FAM53B: variants seen among roughly 807,000 people sequenced by gnomAD.
FAM53B encodes family with sequence similarity 53 member B.
A neutral mutation model predicts 32.7 loss-of-function variants in FAM53B; 12 were observed. That is an observed-to-expected ratio of 0.37 (90% CI 0.24 to 0.59). The LOEUF is 0.59. Among genes scored for constraint, FAM53B ranks in the 20% least tolerant of loss-of-function variants. The pLI, the probability that FAM53B is intolerant of heterozygous loss-of-function variation, is 0.72. For missense variants in FAM53B, 477 were observed against 577.7 expected, an observed-to-expected ratio of 0.83 and a Z score of 1.79; for synonymous variants, 234 against 228.7, an observed-to-expected ratio of 1.02 and a Z score of -0.21.
intron 4 of FAM53B, among the ~76,000 whole-genome samples, chr10:124,641,712 C>T (rs1171042725): frequency 6.6e-6 from 1 of 152,216 alleles, no homozygotes; most frequent in Non-Finnish European, 1.5e-5. Flanking sequence ...CTGCAAGAGG[C>T]CCCTTCCTTG....
intron 2 of FAM53B, among the ~76,000 whole-genome samples, chr10:124,698,104 G>C (rs1430517721): frequency 2.6e-5 from 4 of 152,184 alleles, no homozygotes; most frequent in Admixed American, 2.0e-4. Flanking sequence ...AGGGAAGTCA[G>C]GCCAGGGTCT....
At chr10:124,629,331 G>A (rs940457961) in intron 4 of FAM53B, among the ~76,000 whole-genome samples, 14 of 152,342 alleles carry the variant, frequency 9.2e-5, no homozygotes, top group African/African-American at 3.1e-4. Flanking sequence ...TTGGGCAAGC[G>A]AAGACCACTT....
chr10:124,674,489 T>C (rs550323411), intron 4 of FAM53B, among the ~76,000 whole-genome samples: 1 of 152,336 alleles, frequency 6.6e-6, no homozygotes, highest in Admixed American at 6.5e-5. Context: ...GTTCCATCAG[T>C]TGTCCAGGAT....
At chr10:124,714,823 G>A (rs961884090) in intron 1 of FAM53B, among the ~76,000 whole-genome samples, 11 of 151,786 alleles carry the variant, frequency 7.2e-5, no homozygotes, top group African/African-American at 2.4e-4. Flanking sequence ...GAAGTAACAG[G>A]TGACACAGAG....
intron 4 of FAM53B, among the ~76,000 whole-genome samples, chr10:124,645,680 G>A (rs553927681): frequency 7.9e-5 from 12 of 152,308 alleles, no homozygotes; most frequent in African/African-American, 2.9e-4. Context: ...CTGGCATAAC[G>A]CCTGCTTGCC....
At chr10:124,659,712 C>A (rs1949616942) in intron 4 of FAM53B, among the ~76,000 whole-genome samples, 1 of 152,270 alleles carries the variant, frequency 6.6e-6, no homozygotes, top group Non-Finnish European at 1.5e-5. Context: ...ACAAGCTCAT[C>A]TCCTCTAGCA....
At chr10:124,648,927 G>A (rs1471350129) in intron 4 of FAM53B, among the ~76,000 whole-genome samples, 3 of 152,232 alleles carry the variant, frequency 2.0e-5, no homozygotes, top group South Asian at 2.1e-4. Context: ...CACAACAAGC[G>A]AGCCACTTGC....
chr10:124,677,416 T>C (rs1428608565), intron 4 of FAM53B, among the ~76,000 whole-genome samples: 1 of 152,234 alleles, frequency 6.6e-6, no homozygotes, highest in Non-Finnish European at 1.5e-5. Context: ...GGAGGAAAGC[T>C]GTGCAGGAGG....
In FAM53B at chr10:124,641,004, G is replaced by A. The variant is rs76685308; in HGVS notation, c.907-17400C>T. On this transcript the variant is annotated intron_variant, in intron 4 of 4. Coordinates refer to ENST00000337318, the MANE Select transcript of FAM53B (RefSeq NM_014661.4). ...TTTACTTTCCTCTGGAGCATACCCC[G>A]CCTAGGTGACAAATGATGTGTGTGG... 9.0e-3 allele frequency among the ~76,000 whole-genome samples: 1,376 copies of A among 152,276 alleles called. 25 individuals are homozygous for A. The highest frequency in any genetic ancestry group is 0.03 in the African/African-American group (1,248 of 41,538).
Position 124,621,885 on chromosome 10 carries a change from A to ATTGT in FAM53B, c.*1353_*1356dup, listed in dbSNP as rs1156947774. The ATTGT allele has an allele frequency of 4.6e-5, 7 of 152,568 alleles. No homozygotes were observed. Among genetic ancestry groups the ATTGT allele is most frequent in the Admixed American group, 2.6e-4 (4 of 15,308 alleles). 9.5% of individuals were successfully genotyped at this position (152,568 alleles called of 1,614,324 possible). The stretch of plus-strand genomic sequence containing the variant: ...TTGCTCCTAAGCCAGCCCAATTGCT[A>ATTGT]TTGTTTGCAGAAGACGCCACATTCG... On this transcript the variant is annotated 3_prime_UTR_variant, in exon 5 of 5. Transcript: ENST00000337318.
chr10:124,636,224 C>T (rs781074628), intron 4 of FAM53B, among the ~76,000 whole-genome samples: 1 of 152,176 alleles, frequency 6.6e-6, no homozygotes, highest in Admixed American at 6.5e-5. Context: ...TAAAATCTCT[C>T]GATGTTTCTC....
intron 4 of FAM53B, among the ~76,000 whole-genome samples, chr10:124,626,026 T>C (rs928574125): frequency 1.3e-5 from 2 of 152,104 alleles, no homozygotes; most frequent in Admixed American, 6.5e-5. Context: ...TGTGAACAGG[T>C]TCTAGGTGGG....
chr10:124,714,838 C>T (rs1950029875), intron 1 of FAM53B, among the ~76,000 whole-genome samples: 2 of 152,156 alleles, frequency 1.3e-5, no homozygotes, highest in East Asian at 1.9e-4. Flanking sequence ...ACAGAGCCTA[C>T]CTTTTAAAGC....
intron 4 of FAM53B, among the ~76,000 whole-genome samples, chr10:124,664,145 G>C (rs1949651341): frequency 6.6e-6 from 1 of 152,090 alleles, no homozygotes; most frequent in Non-Finnish European, 1.5e-5. Flanking sequence ...GCAGGTGCCG[G>C]TCTCCACTTG....
At chr10:124,652,192 G>A (rs1040572225) in intron 4 of FAM53B, among the ~76,000 whole-genome samples, 14 of 152,162 alleles carry the variant, frequency 9.2e-5, no homozygotes, top group African/African-American at 1.7e-4. Context: ...ATGAAAACCC[G>A]CAGAGGGAAA....
rs57254391 is a variant in FAM53B, at chr10:124,620,355, G to GCCCCCCCCCCCCCCCCCCC, written c.*2886_*2887insGGGGGGGGGGGGGGGGGGG. On this transcript the variant is annotated 3_prime_UTR_variant, in exon 5 of 5. Coordinates refer to ENST00000337318, the MANE Select transcript of FAM53B (RefSeq NM_014661.4). ...ATGAGTGGGGTGCATGTGGCACTAA[G>GCCCCCCCCCCCCCCCCCCC]CCCCCCCCACCGCCCCGGCTTTCCT... 2.3e-5 allele frequency: 3 copies of GCCCCCCCCCCCCCCCCCCC among 130,784 alleles called. No individual in the cohort carries two copies. The highest frequency in any genetic ancestry group is 2.9e-5 in the African/African-American group (1 of 34,026). The allele number at this position is 130,784 out of a possible 1,614,324, so 8.1% of individuals were successfully genotyped here.
intron 4 of FAM53B, among the ~76,000 whole-genome samples, chr10:124,626,330 T>C (rs553812987): frequency 6.6e-6 from 1 of 150,492 alleles, no homozygotes; most frequent in Non-Finnish European, 1.5e-5. Context: ...GCCTAACTTA[T>C]GGCCACCATG....
At chr10:124,688,419 A>G (rs1344440568) in intron 3 of FAM53B, among the ~76,000 whole-genome samples, 3 of 152,214 alleles carry the variant, frequency 2.0e-5, no homozygotes, top group African/African-American at 7.2e-5. Context: ...AATGATACAC[A>G]CGAGAGCGTG....
chr10:124,622,367 T>G lies in FAM53B; in HGVS notation c.*875A>C, dbSNP rs1949316628. On this transcript the variant is annotated 3_prime_UTR_variant, in exon 5 of 5. Transcript: ENST00000337318. The stretch of plus-strand genomic sequence containing the variant: ...GGCTGCCCTGGTATCGTGCCATCCC[T>G]ACACTCACCGGAACCAACCATGCTT... 6.6e-6 allele frequency: 1 copy of G among 152,194 alleles called. No individual in the cohort carries two copies. Among genetic ancestry groups the G allele is most frequent in the African/African-American group, 2.4e-5 (1 of 41,418 alleles). 9.4% of individuals were successfully genotyped at this position (152,194 alleles called of 1,614,324 possible).
Sources: gnomAD v4.1 joint callset for allele counts (sites outside exome capture counted in the v4.1 genomes callset) on GRCh38, gnomAD v4.1.1 for gene constraint, MANE v1.5 for transcripts, NCBI Gene and HGNC (gene_info 2026-07-23, HGNC 2026-07-21) for gene names.